NAV1: variants seen among roughly 807,000 people sequenced by gnomAD.
NAV1 encodes neuron navigator 1.
NAV1 carries 18 observed loss-of-function variants against 175.2 expected under a neutral mutation model. The observed-to-expected ratio is 0.10, with a 90% CI of 0.07 to 0.15. The LOEUF (loss-of-function observed/expected upper bound fraction) is 0.15, where lower values mean the gene tolerates loss of function less well. Among genes scored for constraint, NAV1 ranks in the 10% least tolerant of loss-of-function variants. The probability of loss-of-function intolerance (pLI) is 1.00; values close to 1 mark genes in which losing one functional copy is unlikely to be tolerated. For synonymous variants in NAV1, 897 were observed against 978.7 expected (o/e 0.92, Z 1.56); for missense variants, 1,731 against 2,436.6 (o/e 0.71, Z 6.10).
At chr1:201,614,479 G>A (rs771580140) in intron 2 of NAV1, among the ~76,000 whole-genome samples, 20 of 152,230 alleles carry the variant, frequency 1.3e-4, no homozygotes, top group Non-Finnish European at 2.6e-4. Flanking sequence ...GACCGCCGCC[G>A]AATACTGGTG....
chr1:201,785,456 C>A, intron 8 of NAV1, 105 bp downstream of exon 12: 3 of 1,195,128 alleles, frequency 2.5e-6, no homozygotes, highest in South Asian at 1.3e-5. Context: ...TTTAGTCACC[C>A]TTTTAGCTGA....
intron 3 of NAV1, among the ~76,000 whole-genome samples, chr1:201,744,303 TG>T (rs1673622639): frequency 7.6e-6 from 1 of 131,398 alleles, no homozygotes; most frequent in African/African-American, 3.2e-5. Flanking sequence ...CTGACGGCTA[TG>T]TATGTATGTA....
At chr1:201,552,947 T>A (rs1665907391) in intron 1 of NAV1, among the ~76,000 whole-genome samples, 1 of 152,062 alleles carries the variant, frequency 6.6e-6, no homozygotes, top group Admixed American at 6.6e-5. Context: ...CTAAGATATA[T>A]GGTCCCTCAG....
At position 201,807,856 on chromosome 1, in the gene NAV1, C is replaced by T; in HGVS notation, c.3649-97C>T. On this transcript the variant is annotated intron_variant, in intron 17 of 29. Transcript: ENST00000367296. This position sits in a 1 kb window ranked among gnomAD's most constrained non-coding sequence, Gnocchi z 5.4. The stretch of plus-strand genomic sequence containing the variant: ...TGGCTTAATTAAAGTAAATCCCCCG[C>T]CTCCAGCTCTCTCTGTCTCAGAAGT... The T allele has an allele frequency of 1.7e-6, 2 of 1,186,824 alleles. No homozygotes were observed. The highest frequency in any genetic ancestry group is 2.5e-6 in the Non-Finnish European group (2 of 815,908). The allele number at this position is 1,186,824 out of a possible 1,614,324, so 73.5% of individuals were successfully genotyped here.
intron 1 of NAV1, among the ~76,000 whole-genome samples, chr1:201,667,074 A>G: frequency 1.3e-5 from 1 of 75,708 alleles, no homozygotes; most frequent in Non-Finnish European, 2.8e-5. Flanking sequence ...CTCTGATTTT[A>G]ATGGCAAGCC....
At chr1:201,544,515 G>T (rs1022784165) in intron 1 of NAV1, among the ~76,000 whole-genome samples, 1 of 152,150 alleles carries the variant, frequency 6.6e-6, no homozygotes, top group African/African-American at 2.4e-5. Context: ...CCCCCTCAGA[G>T]GTCATCCAGC....
intron 1 of NAV1, among the ~76,000 whole-genome samples, chr1:201,661,211 C>T (rs919137563): frequency 6.6e-6 from 1 of 152,130 alleles, no homozygotes; most frequent in Non-Finnish European, 1.5e-5. Context: ...GTTCTAGAAC[C>T]CTTGCACTAC....
At chr1:201,703,337 C>T (rs539991550) in intron 1 of NAV1, among the ~76,000 whole-genome samples, 1 of 152,348 alleles carries the variant, frequency 6.6e-6, no homozygotes, top group South Asian at 2.1e-4. Flanking sequence ...GCCCTCTGAG[C>T]CCAGCCCGGA....
chr1:201,559,431 C>A (rs1348071202), intron 1 of NAV1, among the ~76,000 whole-genome samples: 4 of 152,080 alleles, frequency 2.6e-5, no homozygotes, highest in Non-Finnish European at 5.9e-5. Flanking sequence ...TTTTAAGTCT[C>A]TTGTAGGTTG....
At chr1:201,785,824 GCT>G (rs1676708483) in intron 8 of NAV1, among the ~76,000 whole-genome samples, 1 of 119,398 alleles carries the variant, frequency 8.4e-6, no homozygotes, top group African/African-American at 3.3e-5. Context: ...ACGGAGTCTC[GCT>G]CTGTCACCCA....
At chr1:201,665,154 G>C (rs1669763356) in intron 1 of NAV1, among the ~76,000 whole-genome samples, 1 of 152,052 alleles carries the variant, frequency 6.6e-6, no homozygotes, top group East Asian at 1.9e-4. Context: ...TCTTCTCTTT[G>C]AAGTGCTCCC....
At chr1:201,778,502 A>C (rs909105248) in intron 3 of NAV1, among the ~76,000 whole-genome samples, 1 of 152,224 alleles carries the variant, frequency 6.6e-6, no homozygotes, top group African/African-American at 2.4e-5. Flanking sequence ...ATCTTTCCTC[A>C]GTATTCTTTC....
chr1:201,799,809 G>T (rs1433515777), intron 15 of NAV1, among the ~76,000 whole-genome samples: 1 of 149,620 alleles, frequency 6.7e-6, no homozygotes, highest in Non-Finnish European at 1.5e-5. Flanking sequence ...GCAGTGAGGC[G>T]AGATCGCGCC....
intron 16 of NAV1, 51 bp from the exon 21 acceptor site, chr1:201,804,438 C>CT (rs983834422): frequency 0.029 from 30,080 of 1,040,804 alleles, no homozygotes; most frequent in Non-Finnish European, 0.032. Context: ...AGTGTTGATT[C>CT]TTTTTTTTTT....
At chr1:201,714,544 G>A (rs1672056198) in intron 2 of NAV1, among the ~76,000 whole-genome samples, 1 of 152,132 alleles carries the variant, frequency 6.6e-6, no homozygotes, top group Non-Finnish European at 1.5e-5. Flanking sequence ...GGATGGTGGG[G>A]GCTCCAGGAC....
chr1:201,676,822 T>C (rs1196632326), intron 1 of NAV1, among the ~76,000 whole-genome samples: 1 of 152,220 alleles, frequency 6.6e-6, no homozygotes, highest in Non-Finnish European at 1.5e-5. Context: ...CTTTGGAATC[T>C]GTGTGTAATA....
intron 1 of NAV1, among the ~76,000 whole-genome samples, chr1:201,625,695 CTT>C (rs1024252486): frequency 8.5e-5 from 13 of 152,176 alleles, no homozygotes; most frequent in African/African-American, 1.9e-4. Flanking sequence ...CCTGGTGACT[CTT>C]TGACTTTCTT....
At position 201,813,672 on chromosome 1, in the gene NAV1, T is replaced by TAAAA. The variant is rs34738806; in HGVS notation, c.5340+422_5340+425dup. On this transcript the variant is annotated intron_variant, in intron 28 of 29. Coordinates refer to ENST00000367296, the Ensembl canonical transcript of NAV1. This position sits in a 1 kb window ranked among gnomAD's most constrained non-coding sequence, Gnocchi z 4.2. ...TGACCTTTTTAAATACCCTCATATG[T>TAAAA]AAAAAAAAAAAGGAGACATCACCTT... 6.7e-6 allele frequency among the ~76,000 whole-genome samples: 1 copy of TAAAA among 148,368 alleles called. No individual in the cohort carries two copies.
intron 2 of NAV1, among the ~76,000 whole-genome samples, chr1:201,599,460 G>A (rs978749287): frequency 2.8e-4 from 42 of 152,284 alleles, no homozygotes; most frequent in African/African-American, 6.3e-4. Context: ...TTCCCTGTGC[G>A]CCTTGTAAGC....
Sources: gnomAD v4.1 joint callset for allele counts (sites outside exome capture counted in the v4.1 genomes callset) on GRCh38, gnomAD v4.1.1 for gene constraint, Gnocchi (gnomAD v3.1) non-coding constraint, MANE v1.5 for transcripts, NCBI Gene and HGNC (gene_info 2026-07-23, HGNC 2026-07-21) for gene names.